GAP43: variants seen among roughly 807,000 people sequenced by gnomAD.
The protein encoded by GAP43 is growth associated protein 43.
A neutral mutation model predicts 18.6 loss-of-function variants in GAP43; 6 were observed. The observed-to-expected ratio is 0.32, with a 90% confidence interval of 0.18 to 0.64. The LOEUF is 0.64. Ranked by LOEUF, GAP43 falls within the 30% of genes least tolerant of loss-of-function variation. GAP43 has a pLI of 0.78. For missense variants in GAP43, 292 were observed against 295.5 expected (o/e 0.99, Z 0.09); for synonymous variants, 115 against 111.4 (o/e 1.03, Z -0.20).
intron 2 of GAP43, among the ~76,000 whole-genome samples, chr3:115,713,358 T>G (rs1243793634): frequency 6.6e-6 from 1 of 152,126 alleles, no homozygotes; most frequent in Admixed American, 6.5e-5. Flanking sequence ...TGGGGAGAGC[T>G]GGGCAGGTCC....
At chr3:115,711,071 T>G (rs1709430504) in intron 2 of GAP43, among the ~76,000 whole-genome samples, 1 of 152,190 alleles carries the variant, frequency 6.6e-6, no homozygotes, top group African/African-American at 2.4e-5. Context: ...TTCAATTTTA[T>G]GACCATAGTA....
intron 2 of GAP43, among the ~76,000 whole-genome samples, chr3:115,708,940 G>GGTTTT (rs1488143819): frequency 1.0e-5 from 1 of 99,792 alleles, no homozygotes; most frequent in African/African-American, 4.1e-5. Flanking sequence ...AACTGGCTGG[G>GGTTTT]TTTTTTTTTT....
intron 1 of GAP43, among the ~76,000 whole-genome samples, chr3:115,656,631 A>T (rs527619358): frequency 6.6e-6 from 1 of 152,364 alleles, no homozygotes; most frequent in Admixed American, 6.5e-5. Context: ...TAGAAATGTT[A>T]TCTTTCCATC....
At chr3:115,634,027 A>G (rs1708297179) in intron 1 of GAP43, among the ~76,000 whole-genome samples, 1 of 152,196 alleles carries the variant, frequency 6.6e-6, no homozygotes, top group Non-Finnish European at 1.5e-5. Flanking sequence ...CTAAATGTAG[A>G]ATATTGGTAA....
intron 1 of GAP43, among the ~76,000 whole-genome samples, chr3:115,636,980 G>C (rs1395557316): frequency 6.6e-6 from 1 of 151,902 alleles, no homozygotes; most frequent in African/African-American, 2.4e-5. Flanking sequence ...ATAAATTTAA[G>C]TATTAATTTT....
At chr3:115,629,698 G>A (rs925364515) in intron 1 of GAP43, among the ~76,000 whole-genome samples, 1 of 152,052 alleles carries the variant, frequency 6.6e-6, no homozygotes, top group South Asian at 2.1e-4. Flanking sequence ...TGGGGAAAAG[G>A]ATGAAAACAT....
chr3:115,710,356 A>AATT (rs1372983091), intron 2 of GAP43, among the ~76,000 whole-genome samples: 1 of 152,134 alleles, frequency 6.6e-6, no homozygotes, highest in Non-Finnish European at 1.5e-5. Flanking sequence ...GTTAAAATCA[A>AATT]ATTTTGTTTG....
chr3:115,681,976 G>C (rs1708962699), intron 2 of GAP43, among the ~76,000 whole-genome samples: 1 of 152,190 alleles, frequency 6.6e-6, no homozygotes, highest in South Asian at 2.1e-4. Context: ...AAACAAAGAG[G>C]AGAGGAATGT....
intron 1 of GAP43, among the ~76,000 whole-genome samples, chr3:115,632,311 G>T (rs1161876122): frequency 6.6e-6 from 1 of 152,078 alleles, no homozygotes; most frequent in East Asian, 1.9e-4. Flanking sequence ...GATACAGTTT[G>T]GTTGGGGGAA....
intron 2 of GAP43, among the ~76,000 whole-genome samples, chr3:115,711,518 T>C (rs1361774717): frequency 2.0e-5 from 3 of 151,404 alleles, no homozygotes; most frequent in South Asian, 2.1e-4. Context: ...CACACCCCCC[T>C]ACAGAAAGGA....
chr3:115,668,588 C>A (rs1302082924), intron 1 of GAP43, among the ~76,000 whole-genome samples: 1 of 152,098 alleles, frequency 6.6e-6, no homozygotes, highest in Non-Finnish European at 1.5e-5. Flanking sequence ...CCACACCTGG[C>A]TAATTTTGTA....
intron 1 of GAP43, among the ~76,000 whole-genome samples, chr3:115,625,910 GAA>G (rs1366650781): frequency 1.3e-5 from 2 of 152,150 alleles, no homozygotes; most frequent in Admixed American, 1.3e-4. Flanking sequence ...ATATTCAAGA[GAA>G]AATTAAAGGT....
intron 2 of GAP43, among the ~76,000 whole-genome samples, chr3:115,698,139 T>TAA (rs1709234439): frequency 6.8e-5 from 1 of 14,622 alleles, no homozygotes; most frequent in African/African-American, 2.0e-4. Context: ...ATAATATATA[T>TAA]AATATATATT....
chr3:115,655,979 C>G (rs907501425), intron 1 of GAP43, among the ~76,000 whole-genome samples: 1 of 152,160 alleles, frequency 6.6e-6, no homozygotes, highest in Admixed American at 6.5e-5. Flanking sequence ...CAAAGCATGC[C>G]TTTGACACTA....
chr3:115,686,394 A>G (rs1709033298), intron 2 of GAP43, among the ~76,000 whole-genome samples: 1 of 152,212 alleles, frequency 6.6e-6, no homozygotes, highest in Non-Finnish European at 1.5e-5. Context: ...TAAGGAAGAA[A>G]AGTAAAGTTT....
chr3:115,663,598 A>G, intron 1 of GAP43: 1 of 1,304,220 alleles, frequency 7.7e-7, no homozygotes, highest in Non-Finnish European at 9.7e-7. Flanking sequence ...CTTCACAAGG[A>G]AAATGAGTCA....
chr3:115,717,682 T>C (rs1032187500), intron 2 of GAP43, among the ~76,000 whole-genome samples: 73 of 151,942 alleles, frequency 4.8e-4, no homozygotes, highest in South Asian at 8.3e-4. Flanking sequence ...TTTTTTTTTT[T>C]TTTCTCAGTA....
At chr3:115,711,511 ACC>A (rs869281896) in intron 2 of GAP43, among the ~76,000 whole-genome samples, 9,980 of 143,944 alleles carry the variant, frequency 0.069, 387 homozygotes, top group Non-Finnish European at 0.091. Flanking sequence ...ACACACACAC[ACC>A]CCCCTACAGA....
At chr3:115,675,483 C>G (rs1708869958) in intron 1 of GAP43, among the ~76,000 whole-genome samples, 1 of 152,064 alleles carries the variant, frequency 6.6e-6, no homozygotes, top group South Asian at 2.1e-4. Context: ...TGCCAGTGGC[C>G]AGATGCGGTG....
Sources: allele counts gnomAD v4.1 joint callset (sites outside exome capture counted in the v4.1 genomes callset), GRCh38; gene constraint gnomAD v4.1.1; transcripts MANE v1.5; gene names NCBI Gene and HGNC (gene_info 2026-07-23, HGNC 2026-07-21).